Variants in LTBR observed in about 807,000 individuals in gnomAD.
LTBR encodes tumor necrosis factor receptor superfamily member 3.
LTBR carries 15 observed loss-of-function variants against 45.4 expected under a neutral mutation model. That is an observed-to-expected ratio of 0.33 (90% CI 0.22 to 0.51). The LOEUF (loss-of-function observed/expected upper bound fraction) is 0.51. LTBR is among the 20% of genes least tolerant of loss of function. The pLI is 0.97. For synonymous variants in LTBR, 228 were observed against 231.0 expected (o/e 0.99, Z 0.12); for missense variants, 450 against 565.5 (o/e 0.80, Z 2.07).
At chr12:6,377,604 C>T (rs1322979703) in intron 1 of LTBR, 1 of 1,173,858 alleles carries the variant, frequency 8.5e-7, no homozygotes, top group Non-Finnish European at 1.2e-6. Context: ...TGCACTGTCC[C>T]CACTGCCCCA....
rs3075360 is a variant in LTBR at position 6,386,604 on chromosome 12, T to TACACACACAC, written c.667+183_667+192dup. 6.0e-4 allele frequency: 326 copies of TACACACACAC among 546,636 alleles called. No homozygotes were observed. Among genetic ancestry groups the TACACACACAC allele is most frequent in the African/African-American group, 5.8e-3 (294 of 50,966 alleles). The allele number at this position is 546,636 out of a possible 1,614,324, so 33.9% of individuals were successfully genotyped here. A position where few individuals can be genotyped will look rare whatever the true frequency, so the allele number is the denominator to read the frequency against. ...AAATTGGAGTATCTCTAGGCTAGTTTACACACACACACACACACACACACA... is the reference window on the plus strand; with the variant it reads ...AAATTGGAGTATCTCTAGGCTAGTTTACACACACACACACACACACACACACACACACACA... On this transcript the variant is annotated intron_variant, in intron 6 of 9. Coordinates refer to ENST00000228918, the MANE Select transcript of LTBR (RefSeq NM_002342.3). The surrounding 1 kb of genome is among the most constrained non-coding windows in gnomAD (Gnocchi z 4.1).
chr12:6,376,189 G>A, intron 1 of LTBR: 3 of 985,298 alleles, frequency 3.0e-6, no homozygotes, highest in Non-Finnish European at 3.6e-6. Flanking sequence ...AGTGGGAGCA[G>A]CGCACTCAGG....
chr12:6,377,576 G>C (rs1948932323), intron 1 of LTBR: 1 of 985,188 alleles, frequency 1.0e-6, no homozygotes, highest in African/African-American at 1.6e-5. Context: ...TATCTCCTTG[G>C]CTCTGTGAAA....
intron 6 of LTBR, chr12:6,387,379 G>A (rs1030847423): frequency 1.3e-5 from 2 of 152,160 alleles, no homozygotes; most frequent in African/African-American, 2.4e-5. Context: ...GTATTTTTCT[G>A]TGCCCTGTTA....
chr12:6,375,435 AG>A (rs1948887872), exon 1 of LTBR: 11 of 1,533,192 alleles, frequency 7.2e-6, no homozygotes, highest in Non-Finnish European at 8.7e-7. Flanking sequence ...TCCCACTCCC[AG>A]GTTGCGGCTG....
Position 6,386,659 on chromosome 12 carries a change from A to G in LTBR, c.667+215A>G. ...CACTTTTAAAATTATATATACTGTA[A>G]TACTATGTCAAGGAACACATCCCAC... is the stretch of plus-strand genomic sequence containing the variant. On this transcript the variant is annotated intron_variant, in intron 6 of 9. Transcript: ENST00000228918. This position sits in a 1 kb window ranked among gnomAD's most constrained non-coding sequence, Gnocchi z 4.1. The G allele has an allele frequency of 1.8e-6, 1 of 551,406 alleles. No homozygotes were observed. The highest frequency in any genetic ancestry group is 3.2e-6 in the Non-Finnish European group (1 of 309,176). The allele number at this position is 551,406 out of a possible 1,614,324, so 34.2% of individuals were successfully genotyped here.
chr12:6,380,798 C>T (rs762945169), upstream of LTBR, among the ~76,000 whole-genome samples: 1 of 152,120 alleles, frequency 6.6e-6, no homozygotes, highest in South Asian at 2.1e-4. Context: ...GCAGCTCCTT[C>T]GGAAGAAGGC....
intron 2 of LTBR, 91 bp from the exon 3 acceptor site, chr12:6,384,931 A>T (rs1037316423): frequency 3.9e-6 from 6 of 1,533,822 alleles, no homozygotes; most frequent in Non-Finnish European, 4.5e-6. Context: ...GGCCAGAGAG[A>T]CCGAGGGAAA....
chr12:6,378,854 C>A (rs945945611), intron 1 of LTBR, among the ~76,000 whole-genome samples: 1 of 151,810 alleles, frequency 6.6e-6, no homozygotes, highest in African/African-American at 2.4e-5. Flanking sequence ...CCCAGCCCTT[C>A]CCGCCAACCC....
intron 6 of LTBR, chr12:6,387,901 A>AC (rs1357754309): frequency 4.4e-6 from 2 of 452,782 alleles, no homozygotes; most frequent in Non-Finnish European, 4.4e-6. Context: ...CCCTGTAAAC[A>AC]CCCCCACAGG....
In LTBR at chr12:6,391,001, G is replaced by T; in HGVS notation, c.*64G>T. 6.9e-7 allele frequency: 1 copy of T among 1,454,866 alleles called. No individual in the cohort carries two copies. Among genetic ancestry groups the T allele is most frequent in the Non-Finnish European group, 9.1e-7 (1 of 1,099,958 alleles). 90.1% of individuals were successfully genotyped at this position (1,454,866 alleles called of 1,614,324 possible). Reference sequence around the variant, plus strand: ...GCACCTTCTCCCTTGAGGCTGCCCTGCCCACGTGGGATTCACAGGGGCCTG... The same window carrying T: ...GCACCTTCTCCCTTGAGGCTGCCCTTCCCACGTGGGATTCACAGGGGCCTG... On this transcript the variant is annotated 3_prime_UTR_variant, in exon 10 of 10. Coordinates refer to ENST00000228918, the MANE Select transcript of LTBR (RefSeq NM_002342.3).
upstream of LTBR, among the ~76,000 whole-genome samples, chr12:6,381,327 A>G (rs985394313): frequency 1.3e-5 from 2 of 152,222 alleles, no homozygotes; most frequent in African/African-American, 2.4e-5. Context: ...GAAGGAAGGA[A>G]GACAACCAAC....
rs1949072019 is a variant in LTBR at position 6,388,323 on chromosome 12, G to C, written c.668-75G>C. On this transcript the variant is annotated intron_variant, in intron 6 of 9. Coordinates refer to ENST00000228918, the MANE Select transcript of LTBR (RefSeq NM_002342.3). This position sits in a 1 kb window ranked among gnomAD's most constrained non-coding sequence, Gnocchi z 4.3. ...TCTGTCTGGGTTGCCCAGGGATCTGGAAAGCTCTTCCTTCTCCTCCTCCCC... is the reference window on the plus strand; with the variant it reads ...TCTGTCTGGGTTGCCCAGGGATCTGCAAAGCTCTTCCTTCTCCTCCTCCCC... 8.7e-7 allele frequency: 1 copy of C among 1,151,936 alleles called. No individual in the cohort carries two copies. The highest frequency in any genetic ancestry group is 1.7e-5 in the Admixed American group (1 of 57,980). 71.4% of individuals were successfully genotyped at this position (1,151,936 alleles called of 1,614,324 possible). A position where few individuals can be genotyped will look rare whatever the true frequency, so the allele number is the denominator to read the frequency against.
upstream of LTBR, chr12:6,375,231 G>C (rs1428608936): frequency 2.8e-6 from 4 of 1,440,914 alleles, no homozygotes; most frequent in Non-Finnish European, 3.6e-6. Flanking sequence ...GTTTCTCTTT[G>C]GGTCTCTCCT....
chr12:6,376,736 C>T (rs1948918194), intron 1 of LTBR, among the ~76,000 whole-genome samples: 1 of 152,062 alleles, frequency 6.6e-6, no homozygotes, highest in South Asian at 2.1e-4. Context: ...CCCACACAAC[C>T]CAGGCCCTGC....
intron 1 of LTBR, 61 bp downstream of exon 1, chr12:6,384,515 G>A: frequency 6.2e-7 from 1 of 1,600,934 alleles, no homozygotes; most frequent in Non-Finnish European, 8.5e-7. Flanking sequence ...GGCAGCCGTC[G>A]CTCCATTCCC....
At chr12:6,382,692 C>T (rs1948996359), upstream of LTBR, among the ~76,000 whole-genome samples, 1 of 152,214 alleles carries the variant, frequency 6.6e-6, no homozygotes, top group Non-Finnish European at 1.5e-5. Flanking sequence ...TCCTTTCCCC[C>T]TTTTGTGACC....
intron 1 of LTBR, 44 bp from the exon 2 acceptor site, chr12:6,384,544 C>T: frequency 1.2e-6 from 2 of 1,610,050 alleles, no homozygotes; most frequent in Non-Finnish European, 1.7e-6. Flanking sequence ...CCCAAGCTGA[C>T]CCCTGACTAA....
Position 6,388,698 on chromosome 12 carries a change from C to G in LTBR, c.776-102C>G. 1 of 1,441,252 alleles carries G rather than the reference C, an allele frequency of 6.9e-7. No homozygotes were observed. The highest frequency in any genetic ancestry group is 9.7e-7 in the Non-Finnish European group (1 of 1,027,722). The allele number at this position is 1,441,252 out of a possible 1,614,324, so 89.3% of individuals were successfully genotyped here. A position where few individuals can be genotyped will look rare whatever the true frequency, so the allele number is the denominator to read the frequency against. ...GACAGTGGCTTGTTCCTCTGGGCCC[C>G]CGGGTGGTCAAGTTGCTACACATTG... On this transcript the variant is annotated intron_variant, in intron 7 of 9. Coordinates refer to ENST00000228918, the MANE Select transcript of LTBR (RefSeq NM_002342.3). This position sits in a 1 kb window ranked among gnomAD's most constrained non-coding sequence, Gnocchi z 4.3.
Sources: gnomAD v4.1 joint callset for allele counts (sites outside exome capture counted in the v4.1 genomes callset) on GRCh38, gnomAD v4.1.1 for gene constraint, Gnocchi (gnomAD v3.1) non-coding constraint, MANE v1.5 for transcripts, NCBI Gene and HGNC (gene_info 2026-07-23, HGNC 2026-07-21) for gene names.